Variants in ATP2C1 observed in about 807,000 individuals in gnomAD.
ATP2C1 encodes the protein calcium-transporting ATPase type 2C member 1.
In ATP2C1, 31 loss-of-function variants were observed where a neutral mutation model predicts 120.5. That is an observed-to-expected ratio of 0.26 (90% CI 0.19 to 0.35). The LOEUF is 0.35. Ranked by LOEUF, ATP2C1 falls within the 10% of genes least tolerant of loss-of-function variation. The probability of loss-of-function intolerance (pLI) is 1.00; values close to 1 mark genes in which losing one functional copy is unlikely to be tolerated. For missense variants in ATP2C1, 731 were observed against 1,107.5 expected, an observed-to-expected ratio of 0.66 and a Z score of 4.83; for synonymous variants, 351 against 358.7, an observed-to-expected ratio of 0.98 and a Z score of 0.24.
upstream of ATP2C1, among the ~76,000 whole-genome samples, chr3:130,889,166 T>G (rs960154562): frequency 1.3e-5 from 2 of 152,150 alleles, no homozygotes; most frequent in African/African-American, 4.8e-5. Flanking sequence ...CTGGGACAAT[T>G]TAGACACGCC....
chr3:130,871,759 C>A (rs1201924914), intron 1 of ATP2C1, among the ~76,000 whole-genome samples: 5 of 152,172 alleles, frequency 3.3e-5, no homozygotes, highest in Non-Finnish European at 7.3e-5. Context: ...CGGTGGCTCA[C>A]CCCTATAATC....
chr3:130,995,943 T>C (rs1253236608), intron 22 of ATP2C1, 100 bp from the exon 23 acceptor site: 8 of 867,476 alleles, frequency 9.2e-6, no homozygotes, highest in East Asian at 7.4e-5. Flanking sequence ...CAGTGCCCGG[T>C]TGGAAATTTA....
At chr3:130,941,270 G>GTC (rs2059904863) in intron 7 of ATP2C1, among the ~76,000 whole-genome samples, 2 of 151,382 alleles carry the variant, frequency 1.3e-5, no homozygotes, top group South Asian at 2.1e-4. Flanking sequence ...GTGTGTCTGT[G>GTC]TGTGTGCGCG....
At chr3:130,929,803 C>G (rs1251277684) in intron 2 of ATP2C1, 1 of 163,862 alleles carries the variant, frequency 6.1e-6, no homozygotes, top group Non-Finnish European at 1.3e-5. Flanking sequence ...TATCTCGTGA[C>G]TAACTGCTTG....
At chr3:130,958,483 A>G (rs775606128) in intron 11 of ATP2C1, among the ~76,000 whole-genome samples, 1 of 152,070 alleles carries the variant, frequency 6.6e-6, no homozygotes, top group Non-Finnish European at 1.5e-5. Context: ...AGGATCTTAG[A>G]AGGTTGCTAT....
intron 26 of ATP2C1, among the ~76,000 whole-genome samples, chr3:131,008,538 A>G (rs1250645781): frequency 1.3e-5 from 2 of 152,098 alleles, no homozygotes; most frequent in Non-Finnish European, 2.9e-5. Context: ...ACATTCATTT[A>G]CAATATTGTT....
intron 1 of ATP2C1, among the ~76,000 whole-genome samples, chr3:130,867,294 T>TTTTCCCTCTCCCTCTCCCTCTCCC (rs1263482622): frequency 1.4e-5 from 2 of 140,884 alleles, no homozygotes; most frequent in African/African-American, 5.5e-5. Flanking sequence ...ATAGAAATGA[T>TTTTCCCTCTCCCTCTCCCTCTCCC]TGTCCCTCTC....
intron 1 of ATP2C1, among the ~76,000 whole-genome samples, chr3:130,861,420 G>A (rs972321368): frequency 3.3e-5 from 5 of 152,312 alleles, no homozygotes; most frequent in Middle Eastern, 6.8e-3. Flanking sequence ...GTCAGAAGGC[G>A]TAAGAACTGG....
chr3:130,973,211 G>C (rs2669862), intron 17 of ATP2C1, among the ~76,000 whole-genome samples: 149 of 152,220 alleles, frequency 9.8e-4, no homozygotes, highest in Middle Eastern at 3.4e-3. Context: ...AGAATGAAAA[G>C]ACTTTAGCAT....
chr3:130,994,081 T>A lies in ATP2C1; in HGVS notation c.2040T>A (p.Asp680Glu). ...CAGCAGACATGATCCTAGTGGATGA[T>A]GATTTTCAAACCATAATGTAAGCTT... ...KEAADMILVD[D>E]DFQTIMSAIE... The change falls in exon 22 of 28, where the codon GAT (aspartate) becomes GAA (glutamate). Residue 680 changes from aspartate to glutamate, a missense_variant. Around this residue, in one of 3 missense-constraint regions of ATP2C1, gnomAD observed 571 missense variants for 845.9 expected, o/e 0.67. Coordinates refer to ENST00000510168, the MANE Select transcript of ATP2C1 (RefSeq NM_001378687.1). 1 of 1,614,154 alleles carries A rather than the reference T, an allele frequency of 6.2e-7. No individual in the cohort carries two copies. Among genetic ancestry groups the A allele is most frequent in the Non-Finnish European group, 8.5e-7 (1 of 1,180,000 alleles).
At chr3:130,903,408 T>A (rs1230012394) in intron 2 of ATP2C1, among the ~76,000 whole-genome samples, 2 of 151,992 alleles carry the variant, frequency 1.3e-5, no homozygotes, top group Non-Finnish European at 2.9e-5. Context: ...CTTACGTGGC[T>A]CCCCATTGTA....
intron 20 of ATP2C1, among the ~76,000 whole-genome samples, chr3:130,989,926 G>A (rs2062237821): frequency 6.6e-6 from 1 of 152,042 alleles, no homozygotes; most frequent in African/African-American, 2.4e-5. Context: ...TTTTTTAAAG[G>A]CACACTGAAG....
At chr3:130,983,877 T>C (rs1482670125) in intron 20 of ATP2C1, among the ~76,000 whole-genome samples, 1 of 152,232 alleles carries the variant, frequency 6.6e-6, no homozygotes, top group Non-Finnish European at 1.5e-5. Flanking sequence ...AATATTCCAT[T>C]GTATGAAAGT....
chr3:130,970,406 A>C (rs139156363), intron 17 of ATP2C1, among the ~76,000 whole-genome samples: 24 of 147,874 alleles, frequency 1.6e-4, no homozygotes, highest in African/African-American at 3.6e-4. Context: ...ACACACACAC[A>C]CCCTTAAACT....
At chr3:130,915,586 G>A (rs2058652874) in intron 2 of ATP2C1, among the ~76,000 whole-genome samples, 1 of 152,160 alleles carries the variant, frequency 6.6e-6, no homozygotes, top group Non-Finnish European at 1.5e-5. Context: ...TAGCTATTGA[G>A]TTTATAGTGT....
chr3:130,918,514 TG>T, intron 2 of ATP2C1: 1 of 760,780 alleles, frequency 1.3e-6, no homozygotes, highest in East Asian at 2.5e-5. Context: ...CATGTGAGGC[TG>T]AACACTCTGG....
At chr3:130,885,420 T>C (rs2068941372) in intron 1 of ATP2C1, among the ~76,000 whole-genome samples, 1 of 152,160 alleles carries the variant, frequency 6.6e-6, no homozygotes, top group Non-Finnish European at 1.5e-5. Context: ...TCTTCCTTCT[T>C]TCCTTCCTTC....
At chr3:130,972,861 T>G (rs1167285800) in intron 17 of ATP2C1, among the ~76,000 whole-genome samples, 1 of 152,010 alleles carries the variant, frequency 6.6e-6, no homozygotes, top group Non-Finnish European at 1.5e-5. Context: ...GAGGGATTAC[T>G]AGATACTTGG....
chr3:130,994,665 A>AT (rs1560027352), intron 22 of ATP2C1, among the ~76,000 whole-genome samples: 1 of 151,820 alleles, frequency 6.6e-6, no homozygotes, highest in African/African-American at 2.4e-5. Context: ...TTATTTATTT[A>AT]TTTTTTTGGT....
Sources: gnomAD v4.1 joint callset for allele counts (sites outside exome capture counted in the v4.1 genomes callset) on GRCh38, gnomAD v4.1.1 for gene constraint, gnomAD v4.1.1 regional missense constraint, MANE v1.5 for transcripts, NCBI Gene and HGNC (gene_info 2026-07-23, HGNC 2026-07-21) for gene names.